GGPS1: variants seen among roughly 807,000 people sequenced by gnomAD.
GGPS1 encodes geranylgeranyl pyrophosphate synthase.
In GGPS1, 15 loss-of-function variants were observed where a neutral mutation model predicts 28.1. The observed-to-expected ratio is 0.53, with a 90% CI of 0.36 to 0.82. The LOEUF (loss-of-function observed/expected upper bound fraction) is 0.82, where lower values mean the gene tolerates loss of function less well. GGPS1 is among the 40% of genes least tolerant of loss of function. The probability of loss-of-function intolerance (pLI) is 0.01; values close to 1 mark genes in which losing one functional copy is unlikely to be tolerated. For synonymous variants in GGPS1, 138 were observed against 122.4 expected (o/e 1.13, Z -0.84); for missense variants, 284 against 348.3 (o/e 0.82, Z 1.47).
chr1:235,341,484 C>T (rs1346870503), intron 2 of GGPS1, among the ~76,000 whole-genome samples: 2 of 152,112 alleles, frequency 1.3e-5, no homozygotes, highest in Non-Finnish European at 1.5e-5. Flanking sequence ...CCCGTGCCTG[C>T]CCTAATTTTA....
At chr1:235,333,703 T>C (rs1409042711) in intron 1 of GGPS1, among the ~76,000 whole-genome samples, 3 of 152,164 alleles carry the variant, frequency 2.0e-5, no homozygotes, top group African/African-American at 4.8e-5. Context: ...TCTGGCATAC[T>C]GAGATAACTT....
chr1:235,342,512 T>C lies in GGPS1; in HGVS notation c.643T>C (p.Phe215Leu). ...AGATCTGACAGAGGGAAAGTTCTCA[T>C]TTCCTACTATTCATGCTATTTGGTC... ...CEDLTEGKFSFPTIHAIWSRP... is the reference protein window; with the variant it reads ...CEDLTEGKFSLPTIHAIWSRP... Residue 215 changes from phenylalanine (F) to leucine (L), a missense_variant, in exon 4 of 4, where the codon TTT becomes CTT. Coordinates refer to ENST00000282841, the MANE Select transcript of GGPS1 (RefSeq NM_004837.4). 1 of 1,613,836 alleles carries C rather than the reference T, an allele frequency of 6.2e-7. No homozygotes were observed. The highest frequency in any genetic ancestry group is 8.5e-7 in the Non-Finnish European group (1 of 1,179,844).
At chr1:235,340,759 CA>C (rs1325939182) in intron 2 of GGPS1, among the ~76,000 whole-genome samples, 1 of 94,100 alleles carries the variant, frequency 1.1e-5, no homozygotes, top group Non-Finnish European at 2.2e-5. Flanking sequence ...AAAAAAAAAA[CA>C]AGAAAGAAAA....
chr1:235,337,234 C>T (rs2103345135), intron 2 of GGPS1: 1 of 150,416 alleles, frequency 6.6e-6, no homozygotes, highest in South Asian at 2.2e-4. Flanking sequence ...ACAAGCATCG[C>T]TTGAATGTCT....
intron 1 of GGPS1, among the ~76,000 whole-genome samples, chr1:235,331,161 T>G (rs1267722486): frequency 6.6e-6 from 1 of 152,208 alleles, no homozygotes; most frequent in Non-Finnish European, 1.5e-5. Flanking sequence ...TTATGAGCCT[T>G]TTTTTCCTTG....
At chr1:235,327,664 C>A (rs1675427869), upstream of GGPS1, 1 of 152,394 alleles carries the variant, frequency 6.6e-6, no homozygotes, top group East Asian at 1.9e-4. Context: ...AATTCGGGCG[C>A]CGCAGGGACC....
rs1676118014 is a variant in GGPS1, at chr1:235,343,486, G to A, written c.*714G>A. On this transcript the variant is annotated 3_prime_UTR_variant, in exon 4 of 4. Coordinates refer to ENST00000282841, the MANE Select transcript of GGPS1 (RefSeq NM_004837.4). ...GAATGGTGTGAACCCAGGAGGCGGA[G>A]CTTGCAGTGAGCCGAGATAGTGCCT... is the stretch of plus-strand genomic sequence containing the variant. 6.1e-6 allele frequency: 1 copy of A among 164,960 alleles called. No homozygotes were observed. Among genetic ancestry groups the A allele is most frequent in the African/African-American group, 2.4e-5 (1 of 41,464 alleles). The allele number at this position is 164,960 out of a possible 1,614,324, so 10.2% of individuals were successfully genotyped here.
chr1:235,328,923 T>TTTA (rs1373951364), intron 1 of GGPS1, 145 bp downstream of exon 1: 1 of 152,230 alleles, frequency 6.6e-6, no homozygotes, highest in East Asian at 1.9e-4. Flanking sequence ...ATCCCCTAGC[T>TTTA]TTAAGCGAGG....
chr1:235,341,684 T>C (rs779874920), intron 2 of GGPS1, 24 bp from the exon 3 acceptor site: 7 of 1,298,998 alleles, frequency 5.4e-6, no homozygotes, highest in Non-Finnish European at 7.8e-6. Flanking sequence ...TATCACATTG[T>C]CACATTTTAT....
In GGPS1 at chr1:235,344,154, A is replaced by C. The variant is rs1470148918; in HGVS notation, c.*1382A>C. The stretch of plus-strand genomic sequence containing the variant: ...ATCTGTGGCCCAAGAGGTAGGACAA[A>C]AAAAAAAAAAAAAAAAGCTGATTTC... On this transcript the variant is annotated 3_prime_UTR_variant, in exon 4 of 4. Transcript: ENST00000282841. 6.1e-6 allele frequency: 1 copy of C among 164,992 alleles called. No individual in the cohort carries two copies. Among genetic ancestry groups the C allele is most frequent in the African/African-American group, 2.4e-5 (1 of 41,094 alleles). 10.2% of individuals were successfully genotyped at this position (164,992 alleles called of 1,614,324 possible).
chr1:235,332,556 T>C (rs1675749879), intron 1 of GGPS1, among the ~76,000 whole-genome samples: 1 of 152,202 alleles, frequency 6.6e-6, no homozygotes, highest in Non-Finnish European at 1.5e-5. Flanking sequence ...AATTTTACTT[T>C]TGTGGCACGT....
intron 2 of GGPS1, among the ~76,000 whole-genome samples, chr1:235,340,778 A>G (rs2103349749): frequency 6.6e-6 from 1 of 151,026 alleles, no homozygotes; most frequent in East Asian, 1.9e-4. Context: ...AAAAAAGAAG[A>G]TACTGAAAAA....
chr1:235,344,191 T>G lies in GGPS1; in HGVS notation c.*1419T>G. 1 of 166,834 alleles carries G rather than the reference T, an allele frequency of 6.0e-6. No individual in the cohort carries two copies. Among genetic ancestry groups the G allele is most frequent in the East Asian group, 1.9e-4 (1 of 5,202 alleles). The allele number at this position is 166,834 out of a possible 1,614,324, so 10.3% of individuals were successfully genotyped here. A position where few individuals can be genotyped will look rare whatever the true frequency, so the allele number is the denominator to read the frequency against. On this transcript the variant is annotated 3_prime_UTR_variant, in exon 4 of 4. Coordinates refer to ENST00000282841, the MANE Select transcript of GGPS1 (RefSeq NM_004837.4). Reference sequence around the variant, plus strand: ...AAAAAGCTGATTTCAATATTTGATTTGTTGACATCCCAAAATGAAAGTTTT... The same window carrying G: ...AAAAAGCTGATTTCAATATTTGATTGGTTGACATCCCAAAATGAAAGTTTT...
rs568833751 is a variant in GGPS1 at position 235,344,310 on chromosome 1, A to G, written c.*1538A>G. 3.6e-5 allele frequency: 6 copies of G among 167,214 alleles called. No individual in the cohort carries two copies. The East Asian group carries it at 1.2e-3, about 32-fold the overall frequency. The allele number at this position is 167,214 out of a possible 1,614,324, so 10.4% of individuals were successfully genotyped here. ...TTGTATGAGAAATCCTCACCCAAGC[A>G]TTCAACCTAAATCTTTGAAAAGTTG... On this transcript the variant is annotated 3_prime_UTR_variant, in exon 4 of 4. Coordinates refer to ENST00000282841, the MANE Select transcript of GGPS1 (RefSeq NM_004837.4).
intron 2 of GGPS1, among the ~76,000 whole-genome samples, chr1:235,336,071 T>C (rs1240220326): frequency 2.0e-5 from 3 of 152,184 alleles, no homozygotes; most frequent in African/African-American, 7.2e-5. Context: ...TGTACGTGTG[T>C]GTTTTTGTTT....
intron 2 of GGPS1, among the ~76,000 whole-genome samples, chr1:235,339,017 T>G (rs1675947268): frequency 6.7e-6 from 1 of 150,308 alleles, no homozygotes; most frequent in Non-Finnish European, 1.5e-5. Flanking sequence ...TACAAAAAAT[T>G]GGCCGGGCGC....
chr1:235,339,491 C>A (rs1035166612), intron 2 of GGPS1, among the ~76,000 whole-genome samples: 9 of 151,318 alleles, frequency 5.9e-5, no homozygotes, highest in African/African-American at 1.7e-4. Flanking sequence ...AACAAACAAA[C>A]AAAAAAACCC....
rs2103353625 is a variant in GGPS1 at position 235,344,515 on chromosome 1, T to C, written c.*1743T>C. 1 of 167,194 alleles carries C rather than the reference T, an allele frequency of 6.0e-6. No homozygotes were observed. The highest frequency in any genetic ancestry group is 2.4e-5 in the African/African-American group (1 of 41,590). The allele number at this position is 167,194 out of a possible 1,614,324, so 10.4% of individuals were successfully genotyped here. ...GACTATAGAAACAAATTAAAATGTC[T>C]ACCTTTAAGTATAAAAATTGCTTAA... On this transcript the variant is annotated 3_prime_UTR_variant, in exon 4 of 4. Coordinates refer to ENST00000282841, the MANE Select transcript of GGPS1 (RefSeq NM_004837.4).
At chr1:235,340,123 A>G (rs996697616) in intron 2 of GGPS1, among the ~76,000 whole-genome samples, 1 of 152,074 alleles carries the variant, frequency 6.6e-6, no homozygotes, top group Non-Finnish European at 1.5e-5. Flanking sequence ...ACAGAATGAG[A>G]CTCCGTCTCA....
Sources: allele counts gnomAD v4.1 joint callset (sites outside exome capture counted in the v4.1 genomes callset), GRCh38; gene constraint gnomAD v4.1.1; transcripts MANE v1.5; gene names NCBI Gene and HGNC (gene_info 2026-07-23, HGNC 2026-07-21).